Variants in PRKCA observed in about 807,000 individuals in gnomAD.
The protein encoded by PRKCA is protein kinase C alpha, also known as protein kinase C alpha type.
In PRKCA, 27 loss-of-function variants were observed where a neutral mutation model predicts 87.0. The observed-to-expected ratio is 0.31, with a 90% CI of 0.23 to 0.43. The LOEUF (loss-of-function observed/expected upper bound fraction) is 0.43. Among genes scored for constraint, PRKCA ranks in the 20% least tolerant of loss-of-function variants. The probability of loss-of-function intolerance (pLI) is 1.00; values close to 1 mark genes in which losing one functional copy is unlikely to be tolerated. For synonymous variants in PRKCA, 329 were observed against 311.1 expected, an observed-to-expected ratio of 1.06 and a Z score of -0.61; for missense variants, 518 against 852.3, an observed-to-expected ratio of 0.61 and a Z score of 4.88.
chr17:66,420,660 C>T (rs955511705), intron 2 of PRKCA, among the ~76,000 whole-genome samples: 4 of 152,094 alleles, frequency 2.6e-5, no homozygotes, highest in East Asian at 1.9e-4. Context: ...ATTAAATGCA[C>T]GACAATACTT....
intron 2 of PRKCA, among the ~76,000 whole-genome samples, chr17:66,348,618 A>T (rs190080779): frequency 1.3e-5 from 2 of 152,234 alleles, no homozygotes; most frequent in Non-Finnish European, 2.9e-5. Flanking sequence ...CAGTGCATCA[A>T]TCCAAAACTC....
intron 2 of PRKCA, among the ~76,000 whole-genome samples, chr17:66,334,296 A>G (rs1906527128): frequency 1.3e-5 from 2 of 152,166 alleles, no homozygotes; most frequent in South Asian, 4.1e-4. Flanking sequence ...TATAGTATAA[A>G]AAAGAAATGA....
intron 3 of PRKCA, among the ~76,000 whole-genome samples, chr17:66,621,972 C>A (rs191844795): frequency 6.6e-6 from 1 of 152,056 alleles, no homozygotes; most frequent in Non-Finnish European, 1.5e-5. Flanking sequence ...GCGTCCACGG[C>A]GGGAGGATTG....
intron 2 of PRKCA, among the ~76,000 whole-genome samples, chr17:66,346,377 C>G (rs377655844): frequency 9.3e-5 from 14 of 151,344 alleles, no homozygotes; most frequent in South Asian, 2.1e-4. Context: ...GATTACAGGC[C>G]TGAGCCACCA....
At chr17:66,614,051 C>T (rs141855438) in intron 3 of PRKCA, among the ~76,000 whole-genome samples, 2 of 152,074 alleles carry the variant, frequency 1.3e-5, no homozygotes, top group South Asian at 2.1e-4. Flanking sequence ...TTGGCCTCCC[C>T]GAGTGCTGGG....
At chr17:66,377,481 G>GTA (rs1323175256) in intron 2 of PRKCA, among the ~76,000 whole-genome samples, 2 of 148,546 alleles carry the variant, frequency 1.3e-5, no homozygotes, top group African/African-American at 5.0e-5. Flanking sequence ...AGATATACGT[G>GTA]TATATATATA....
At chr17:66,450,585 C>T (rs962351064) in intron 2 of PRKCA, among the ~76,000 whole-genome samples, 7 of 142,006 alleles carry the variant, frequency 4.9e-5, no homozygotes, top group East Asian at 2.4e-4. Context: ...CAGAAAGCTG[C>T]GGTTGGAAGA....
intron 3 of PRKCA, among the ~76,000 whole-genome samples, chr17:66,533,012 A>G (rs1012729814): frequency 1.3e-5 from 2 of 152,202 alleles, no homozygotes; most frequent in Admixed American, 1.3e-4. Context: ...ACTGGAAGGC[A>G]ATTGTAACCT....
At chr17:66,653,611 G>A (rs369879134) in intron 5 of PRKCA, among the ~76,000 whole-genome samples, 3 of 152,152 alleles carry the variant, frequency 2.0e-5, no homozygotes, top group South Asian at 4.2e-4. Context: ...GTAGTTGTGG[G>A]CACAGTATTG....
chr17:66,593,291 T>G (rs1969871413), intron 3 of PRKCA, among the ~76,000 whole-genome samples: 1 of 152,208 alleles, frequency 6.6e-6, no homozygotes, highest in Non-Finnish European at 1.5e-5. Flanking sequence ...GGACCTGAGC[T>G]GCTTCCATCC....
rs1165177890 is a variant in PRKCA, at chr17:66,302,797, C to T, written c.-55C>T. 5.7e-6 allele frequency: 8 copies of T among 1,401,742 alleles called. No homozygotes were observed. Among genetic ancestry groups the T allele is most frequent in the Non-Finnish European group, 7.5e-6 (8 of 1,061,516 alleles). The allele number at this position is 1,401,742 out of a possible 1,614,324, so 86.8% of individuals were successfully genotyped here. On this transcript the variant is annotated 5_prime_UTR_variant, in exon 1 of 17. Transcript: ENST00000413366. ...CTCTCCCCCGCCGCCCCCGCCCACC[C>T]GGCCCTCCGCGGCCGCAGCTCCCCG...
chr17:66,772,999 T>A (rs1454600718), intron 13 of PRKCA, among the ~76,000 whole-genome samples: 1 of 152,114 alleles, frequency 6.6e-6, no homozygotes, highest in East Asian at 1.9e-4. Flanking sequence ...GTTTTAATAG[T>A]ATTATTACTT....
At chr17:66,757,093 C>T (rs954451952) in intron 13 of PRKCA, among the ~76,000 whole-genome samples, 3 of 151,964 alleles carry the variant, frequency 2.0e-5, no homozygotes, top group African/African-American at 4.8e-5. Context: ...TGCTAGAGAT[C>T]GGAAATACTG....
chr17:66,408,699 C>A (rs1911565022), intron 2 of PRKCA, among the ~76,000 whole-genome samples: 1 of 152,154 alleles, frequency 6.6e-6, no homozygotes, highest in African/African-American at 2.4e-5. Flanking sequence ...AGGTCAGCAA[C>A]AAATAATTTG....
intron 3 of PRKCA, among the ~76,000 whole-genome samples, chr17:66,502,041 A>C (rs1916755795): frequency 6.6e-6 from 1 of 152,136 alleles, no homozygotes; most frequent in Admixed American, 6.6e-5. Flanking sequence ...TTAGCTCACC[A>C]GTGTCTTCTT....
At chr17:66,530,491 A>G (rs1168638363) in intron 3 of PRKCA, among the ~76,000 whole-genome samples, 3 of 152,206 alleles carry the variant, frequency 2.0e-5, no homozygotes, top group Non-Finnish European at 2.9e-5. Context: ...CAAAAGCACC[A>G]CGGGAGCTTT....
At chr17:66,796,570 C>T (rs544391708) in intron 16 of PRKCA, 3 of 985,252 alleles carry the variant, frequency 3.0e-6, no homozygotes, top group South Asian at 4.7e-5. Context: ...ACCGTGTGCC[C>T]CTGCTTGTGT....
chr17:66,331,192 C>A (rs1257276790), intron 2 of PRKCA, among the ~76,000 whole-genome samples: 1 of 152,110 alleles, frequency 6.6e-6, no homozygotes, highest in Non-Finnish European at 1.5e-5. Flanking sequence ...TAGCTGTGTC[C>A]TCTGATGGCC....
At chr17:66,542,035 C>T (rs1411850581) in intron 3 of PRKCA, among the ~76,000 whole-genome samples, 1 of 152,168 alleles carries the variant, frequency 6.6e-6, no homozygotes, top group Non-Finnish European at 1.5e-5. Context: ...TCCTGAAGCT[C>T]GTGTTGCGGT....
Sources: gnomAD v4.1 joint callset for allele counts (sites outside exome capture counted in the v4.1 genomes callset) on GRCh38, gnomAD v4.1.1 for gene constraint, MANE v1.5 for transcripts, NCBI Gene and HGNC (gene_info 2026-07-23, HGNC 2026-07-21) for gene names.